The following RORA variants were observed in gnomAD, a reference collection of about 807,000 sequenced individuals.
RORA encodes RAR related orphan receptor A.
A neutral mutation model predicts 69.5 loss-of-function variants in RORA; 7 were observed. The observed-to-expected ratio is 0.10, with a 90% CI of 0.06 to 0.19. The LOEUF (loss-of-function observed/expected upper bound fraction) is 0.19. Ranked by LOEUF, RORA falls within the 10% of genes least tolerant of loss-of-function variation. The pLI is 1.00. For missense variants in RORA, 457 were observed against 663.0 expected, an observed-to-expected ratio of 0.69 and a Z score of 3.41; for synonymous variants, 261 against 240.8, an observed-to-expected ratio of 1.08 and a Z score of -0.78.
intron 6 of RORA, among the ~76,000 whole-genome samples, chr15:60,504,827 C>G (rs1047574697): frequency 6.6e-6 from 1 of 152,144 alleles, no homozygotes; most frequent in African/African-American, 2.4e-5. Flanking sequence ...TTTCCCCAAT[C>G]TTAGTTTCAG....
chr15:60,637,511 G>A (rs187075926), intron 2 of RORA, among the ~76,000 whole-genome samples: 3 of 151,902 alleles, frequency 2.0e-5, no homozygotes, highest in African/African-American at 7.2e-5. Flanking sequence ...AAATCTGCCT[G>A]TATCTAGATA....
intron 1 of RORA, among the ~76,000 whole-genome samples, chr15:60,845,036 AGT>A (rs3053882): frequency 6.6e-5 from 10 of 151,220 alleles, no homozygotes; most frequent in African/African-American, 2.4e-4. Flanking sequence ...CCAGTGTGTG[AGT>A]GTGTGTGTGT....
intron 2 of RORA, among the ~76,000 whole-genome samples, chr15:60,554,404 T>TA (rs916683095): frequency 2.6e-5 from 4 of 151,140 alleles, no homozygotes; most frequent in African/African-American, 4.9e-5. Flanking sequence ...TTTTTGGCAC[T>TA]AAAAAAAAAT....
chr15:61,020,322 A>C (rs1026727530), intron 1 of RORA, among the ~76,000 whole-genome samples: 1 of 152,154 alleles, frequency 6.6e-6, no homozygotes, highest in Admixed American at 6.6e-5. Flanking sequence ...CCTGCAGCCC[A>C]GGATGAAAGC....
intron 1 of RORA, among the ~76,000 whole-genome samples, chr15:60,990,849 A>G (rs1406795483): frequency 6.6e-6 from 1 of 152,208 alleles, no homozygotes; most frequent in Non-Finnish European, 1.5e-5. Context: ...GTTAAAGTAG[A>G]TGGAATCTCA....
intron 5 of RORA, chr15:60,510,399 C>T (rs2065657554): frequency 6.6e-6 from 1 of 152,186 alleles, no homozygotes; most frequent in South Asian, 2.1e-4. Context: ...GTGTTATCAA[C>T]ATTTCTAGGT....
rs551176273 is a variant in RORA at position 60,643,721 on chromosome 15, T to G, written c.196+34936A>C. 2.6e-5 allele frequency among the ~76,000 whole-genome samples: 4 copies of G among 152,272 alleles called. No individual in the cohort carries two copies. In the South Asian group the frequency reaches 8.3e-4, roughly 32 times the overall value. On this transcript the variant is annotated intron_variant, in intron 2 of 10. Transcript: ENST00000335670. Reference sequence around the variant, plus strand: ...TCCTTCCTTTGCCTTTCATTAGAATTCCTATGAGCCTTTGAATGCTTAGCA... The same window carrying G: ...TCCTTCCTTTGCCTTTCATTAGAATGCCTATGAGCCTTTGAATGCTTAGCA...
chr15:60,822,653 A>G (rs1417782054), intron 1 of RORA, among the ~76,000 whole-genome samples: 1 of 152,214 alleles, frequency 6.6e-6, no homozygotes, highest in East Asian at 1.9e-4. Context: ...GAAGCACCCC[A>G]GGATGTATAC....
chr15:60,932,109 G>A (rs1350900694), intron 1 of RORA, among the ~76,000 whole-genome samples: 1 of 152,178 alleles, frequency 6.6e-6, no homozygotes, highest in East Asian at 1.9e-4. Context: ...CAGTATCAAT[G>A]TCTTTGAATT....
At chr15:60,927,005 T>C (rs1000820407) in intron 1 of RORA, among the ~76,000 whole-genome samples, 2 of 152,216 alleles carry the variant, frequency 1.3e-5, no homozygotes, top group African/African-American at 4.8e-5. Context: ...CACTTCATGA[T>C]AAGTGTGTTG....
intron 1 of RORA, among the ~76,000 whole-genome samples, chr15:61,022,190 C>T (rs1895561864): frequency 6.6e-6 from 1 of 152,152 alleles, no homozygotes; most frequent in Non-Finnish European, 1.5e-5. Flanking sequence ...ACTGAGTTCT[C>T]CTGTCTATAA....
At chr15:60,978,351 TTTTAA>T (rs1893937741) in intron 1 of RORA, among the ~76,000 whole-genome samples, 1 of 152,216 alleles carries the variant, frequency 6.6e-6, no homozygotes, top group African/African-American at 2.4e-5. Flanking sequence ...GCCTATTTTA[TTTTAA>T]TTTAATGATT....
Position 60,794,546 on chromosome 15 carries a change from G to C in RORA, c.167-115860C>G, listed in dbSNP as rs113741418. Among the ~76,000 whole-genome samples, 322 of 152,274 alleles carry C rather than the reference G, an allele frequency of 2.1e-3. 3 individuals are homozygous for C. Among genetic ancestry groups the C allele is most frequent in the Middle Eastern group, 3.4e-3 (1 of 294 alleles). ...ACTGGGTGCATACCACTGAGCCAAA[G>C]CTTGCTTTTAGATATCCAAAGCTTG... On this transcript the variant is annotated intron_variant, in intron 1 of 10. Transcript: ENST00000335670.
chr15:60,742,850 A>T (rs531542319), intron 1 of RORA, among the ~76,000 whole-genome samples: 2 of 152,082 alleles, frequency 1.3e-5, no homozygotes, highest in African/African-American at 2.4e-5. Flanking sequence ...ATTCCATTGT[A>T]TATTGTGTAT....
At chr15:61,047,277 C>G (rs1166739516) in intron 1 of RORA, among the ~76,000 whole-genome samples, 1 of 152,242 alleles carries the variant, frequency 6.6e-6, no homozygotes, top group Non-Finnish European at 1.5e-5. Context: ...TGCAGAAGCC[C>G]TTGCCACACA....
At position 61,040,113 on chromosome 15, in the gene RORA, GATATATATATATATAT is replaced by G. The variant is rs60830259; in HGVS notation, c.166+188924_166+188939del. 9.7e-3 allele frequency among the ~76,000 whole-genome samples: 447 copies of G among 46,306 alleles called. 5 individuals carry two copies. The highest frequency in any genetic ancestry group is 0.049 in the Middle Eastern group (4 of 82). The allele number at this position is 46,306 out of a possible 152,430, so 30.4% of individuals were successfully genotyped here. On this transcript the variant is annotated intron_variant, in intron 1 of 10. Coordinates refer to ENST00000335670, the MANE Select transcript of RORA (RefSeq NM_134261.3). The stretch of plus-strand genomic sequence containing the variant: ...TCTAATGGCTATGATCACAAGCTTT[GATATATATATATATAT>G]ATATATATATATATATATATATATA...
intron 1 of RORA, among the ~76,000 whole-genome samples, chr15:61,156,032 G>A (rs577169621): frequency 6.6e-6 from 1 of 152,124 alleles, no homozygotes; most frequent in Non-Finnish European, 1.5e-5. Flanking sequence ...CACTCTCCTT[G>A]CACATGACTT....
intron 1 of RORA, among the ~76,000 whole-genome samples, chr15:61,209,632 T>G (rs919514814): frequency 9.9e-5 from 15 of 152,184 alleles, no homozygotes; most frequent in African/African-American, 3.4e-4. Flanking sequence ...AAATGTCTGT[T>G]GTTTAAGCCA....
At chr15:60,644,562 C>G (rs16942879) in intron 2 of RORA, among the ~76,000 whole-genome samples, 3,765 of 152,306 alleles carry the variant, frequency 0.025, 75 homozygotes, top group African/African-American at 0.055. Context: ...AACGTGTAAA[C>G]ATGCAGAGAC....
Sources: allele counts gnomAD v4.1 joint callset (sites outside exome capture counted in the v4.1 genomes callset), GRCh38; gene constraint gnomAD v4.1.1; transcripts MANE v1.5; gene names NCBI Gene and HGNC (gene_info 2026-07-23, HGNC 2026-07-21).